The following DPYSL4 variants were observed in gnomAD, a reference collection of about 807,000 sequenced individuals.
The protein encoded by DPYSL4 is dihydropyrimidinase-related protein 4.
A neutral mutation model predicts 63.4 loss-of-function variants in DPYSL4; 43 were observed. The ratio of observed to expected loss-of-function variants is 0.68; its 90% CI spans 0.53 to 0.88. The LOEUF is 0.88. DPYSL4 is among the 40% of genes least tolerant of loss of function. The pLI, the probability that DPYSL4 is intolerant of heterozygous loss-of-function variation, is 0.00. For missense variants in DPYSL4, 733 were observed against 819.5 expected (o/e 0.89, Z 1.29); for synonymous variants, 353 against 331.7 (o/e 1.06, Z -0.70).
intron 1 of DPYSL4, among the ~76,000 whole-genome samples, chr10:132,188,087 G>A (rs2061828919): frequency 6.6e-6 from 1 of 152,170 alleles, no homozygotes; most frequent in African/African-American, 2.4e-5. Context: ...AGAGGGTTCT[G>A]CCCGGCTGGG....
intron 11 of DPYSL4, 53 bp downstream of exon 11, chr10:132,202,169 A>G: frequency 6.3e-7 from 1 of 1,577,680 alleles, no homozygotes; most frequent in Non-Finnish European, 8.6e-7. Flanking sequence ...CCGGGACCCC[A>G]GGGCAGCCTT....
chr10:132,201,017 G>C, intron 10 of DPYSL4, 34 bp downstream of exon 10: 1 of 1,607,204 alleles, frequency 6.2e-7, no homozygotes, highest in Non-Finnish European at 8.5e-7. Flanking sequence ...ACGCCGTCTG[G>C]GGAGCGGCTG....
At chr10:132,201,236 A>G (rs1296252487) in intron 10 of DPYSL4, among the ~76,000 whole-genome samples, 5 of 152,034 alleles carry the variant, frequency 3.3e-5, no homozygotes, top group Non-Finnish European at 2.9e-5. Context: ...TGTTGCCCGG[A>G]CACTGTGTTT....
chr10:132,194,025 C>T (rs1481151763), intron 3 of DPYSL4, among the ~76,000 whole-genome samples: 1 of 152,276 alleles, frequency 6.6e-6, no homozygotes, highest in East Asian at 1.9e-4. Context: ...CGTGCCAGTG[C>T]CAAGGCACCC....
rs1457864474 is a variant in DPYSL4 at position 132,202,729 on chromosome 10, G to A, written c.1365G>A (p.Glu455=). The change falls in exon 12 of 14, where the codon GAG becomes GAA. Residue 455 remains glutamate (E), a synonymous_variant. Coordinates refer to ENST00000338492, the MANE Select transcript of DPYSL4 (RefSeq NM_006426.3). The part of the protein sequence containing the change: ...VVISQGRVAL[E]DGKMFVTPGA... ...TAAGTCAGGGCCGAGTGGCGCTGGAGGACGGGAAGATGTTTGTCACCCCGG... is the reference window on the plus strand; with the variant it reads ...TAAGTCAGGGCCGAGTGGCGCTGGAAGACGGGAAGATGTTTGTCACCCCGG... 1.2e-6 allele frequency: 2 copies of A among 1,613,308 alleles called. No homozygotes were observed. The highest frequency in any genetic ancestry group is 2.2e-5 in the East Asian group (1 of 44,894).
chr10:132,201,014 C>T, intron 10 of DPYSL4, 31 bp downstream of exon 10: 1 of 1,608,362 alleles, frequency 6.2e-7, no homozygotes, highest in South Asian at 1.1e-5. Context: ...GGCACGCCGT[C>T]TGGGGAGCGG....
At chr10:132,196,800 G>C in intron 4 of DPYSL4, 61 bp from the exon 5 acceptor site, 1 of 1,590,846 alleles carries the variant, frequency 6.3e-7, no homozygotes, top group Non-Finnish European at 8.6e-7. Flanking sequence ...AGGAGCAGCA[G>C]AGGCTCCGTA....
chr10:132,193,779 C>T (rs981936961), intron 3 of DPYSL4, among the ~76,000 whole-genome samples: 10 of 152,258 alleles, frequency 6.6e-5, no homozygotes, highest in African/African-American at 2.2e-4. Context: ...AGTTAATGCA[C>T]GTCAGTTGCT....
intron 6 of DPYSL4, 83 bp from the exon 7 acceptor site, chr10:132,198,332 G>A (rs1411627929): frequency 4.3e-6 from 6 of 1,395,006 alleles, no homozygotes; most frequent in Admixed American, 4.1e-5. Flanking sequence ...CTTGGGGAAT[G>A]GGGCCTCCCA....
At chr10:132,204,783 A>G in intron 13 of DPYSL4, 56 bp from the exon 14 acceptor site, 1 of 1,487,188 alleles carries the variant, frequency 6.7e-7, no homozygotes, top group South Asian at 1.3e-5. Flanking sequence ...CGCCTTGAAT[A>G]GAAGGGCCCC....
chr10:132,187,243 T>G, intron 1 of DPYSL4, 141 bp downstream of exon 1: 1 of 550,380 alleles, frequency 1.8e-6, no homozygotes, highest in Non-Finnish European at 3.1e-6. Flanking sequence ...CGCCCGCCCT[T>G]CCCTGCTCGG....
chr10:132,201,815 C>T (rs1258683039), intron 10 of DPYSL4, 131 bp from the exon 11 acceptor site: 25 of 989,770 alleles, frequency 2.5e-5, no homozygotes, highest in Non-Finnish European at 3.2e-5. Context: ...GGTGGTCCAG[C>T]GTCTGTCCTC....
At position 132,190,727 on chromosome 10, in the gene DPYSL4, C is replaced by T. The variant is rs1388351315; in HGVS notation, c.40-20C>T. The stretch of plus-strand genomic sequence containing the variant: ...AGTAACTCAGTTTGGAGAAAAATTA[C>T]CCTTTGTTGTTCCCGATAGAGTGAC... On this transcript the variant is annotated intron_variant, in intron 1 of 13. Coordinates refer to ENST00000338492, the MANE Select transcript of DPYSL4 (RefSeq NM_006426.3). 1 of 1,606,116 alleles carries T rather than the reference C, an allele frequency of 6.2e-7. No individual in the cohort carries two copies. The highest frequency in any genetic ancestry group is 1.3e-5 in the African/African-American group (1 of 74,944).
intron 6 of DPYSL4, among the ~76,000 whole-genome samples, chr10:132,198,190 C>G (rs2061969186): frequency 6.6e-6 from 1 of 152,178 alleles, no homozygotes; most frequent in African/African-American, 2.4e-5. Flanking sequence ...GGGGGAGCCA[C>G]TTTCCCCTAT....
intron 8 of DPYSL4, 78 bp downstream of exon 8, chr10:132,199,049 T>G: frequency 6.5e-7 from 1 of 1,539,866 alleles, no homozygotes; most frequent in Non-Finnish European, 8.8e-7. Context: ...GAGATGCAGG[T>G]TCCCTGAGTC....
Position 132,187,031 on chromosome 10 carries a change from G to C in DPYSL4, c.-33G>C. The C allele has an allele frequency of 3.9e-6, 1 of 258,486 alleles. No individual in the cohort carries two copies. Among genetic ancestry groups the C allele is most frequent in the Admixed American group, 2.0e-4 (1 of 4,980 alleles). The allele number at this position is 258,486 out of a possible 1,614,324, so 16.0% of individuals were successfully genotyped here. On this transcript the variant is annotated 5_prime_UTR_variant, in exon 1 of 14. Coordinates refer to ENST00000338492, the MANE Select transcript of DPYSL4 (RefSeq NM_006426.3). Reference sequence around the variant, plus strand: ...CCCGCCCGCCCGCCCGCCCCCGCTTGTGCCGCCCCTACCAGAGACCCCCAG... The same window carrying C: ...CCCGCCCGCCCGCCCGCCCCCGCTTCTGCCGCCCCTACCAGAGACCCCCAG...
intron 2 of DPYSL4, chr10:132,192,388 A>G (rs2061889712): frequency 9.0e-7 from 1 of 1,107,126 alleles, no homozygotes; most frequent in African/African-American, 1.6e-5. Context: ...CCTCTAGTCA[A>G]AAAAGTACCA....
intron 13 of DPYSL4, among the ~76,000 whole-genome samples, chr10:132,204,354 AC>A (rs1274960371): frequency 6.6e-6 from 1 of 152,122 alleles, no homozygotes; most frequent in Non-Finnish European, 1.5e-5. Flanking sequence ...GGAGGGATAC[AC>A]GAGAATGCCT....
chr10:132,196,823 G>A, intron 4 of DPYSL4, 38 bp from the exon 5 acceptor site: 1 of 1,610,858 alleles, frequency 6.2e-7, no homozygotes, highest in South Asian at 1.1e-5. Context: ...TTGTCTGACT[G>A]GTGATGGCTG....
Sources: allele counts gnomAD v4.1 joint callset (sites outside exome capture counted in the v4.1 genomes callset), GRCh38; gene constraint gnomAD v4.1.1; transcripts MANE v1.5; gene names NCBI Gene and HGNC (gene_info 2026-07-23, HGNC 2026-07-21).